PSD3: variants seen among roughly 807,000 people sequenced by gnomAD.
PSD3 encodes the protein pleckstrin and Sec7 domain containing 3, also known as PH and SEC7 domain-containing protein 3.
PSD3 carries 49 observed loss-of-function variants against 105.5 expected under a neutral mutation model. The ratio of observed to expected loss-of-function variants is 0.46; its 90% CI spans 0.37 to 0.59. The LOEUF (loss-of-function observed/expected upper bound fraction) is 0.59. Among genes scored for constraint, PSD3 ranks in the 20% least tolerant of loss-of-function variants. The pLI, the probability that PSD3 is intolerant of heterozygous loss-of-function variation, is 0.00. For missense variants in PSD3, 1,561 were observed against 1,263.8 expected, an observed-to-expected ratio of 1.24 and a Z score of -3.57; for synonymous variants, 557 against 457.8, an observed-to-expected ratio of 1.22 and a Z score of -2.77.
intron 8 of PSD3, among the ~76,000 whole-genome samples, chr8:18,778,170 G>C (rs2129445025): frequency 6.6e-6 from 1 of 152,180 alleles, no homozygotes; most frequent in South Asian, 2.1e-4. Context: ...TGGGGTTGCT[G>C]GATCGAATGA....
intron 1 of PSD3, among the ~76,000 whole-genome samples, chr8:18,976,021 G>C (rs1824927209): frequency 1.3e-5 from 2 of 152,038 alleles, no homozygotes; most frequent in African/African-American, 4.8e-5. Flanking sequence ...GAAATTTCCA[G>C]AGAAAATAAT....
intron 11 of PSD3, among the ~76,000 whole-genome samples, 171 bp downstream of exon 11, chr8:18,632,439 GAGC>G (rs1806969914): frequency 2.0e-5 from 3 of 152,036 alleles, no homozygotes; most frequent in African/African-American, 7.2e-5. Flanking sequence ...GCTTAGAGAA[GAGC>G]AGGTGCCACA....
At position 18,982,011 on chromosome 8, in the gene PSD3, G is replaced by T. The variant is rs75292593; in HGVS notation, c.21+31552C>A. ...CTGTAGCATACAATGTTGTTTGACA[G>T]CATCTTACCCACAGTAGAGCTTCTT... On this transcript the variant is annotated intron_variant, in intron 1 of 15. Transcript: ENST00000327040. Among the ~76,000 whole-genome samples, 5 of 152,292 alleles carry T rather than the reference G, an allele frequency of 3.3e-5. No homozygotes were observed. In the East Asian group the frequency reaches 9.7e-4, roughly 29 times the overall value.
chr8:18,921,248 T>G (rs1188264876), intron 2 of PSD3, among the ~76,000 whole-genome samples: 1 of 152,232 alleles, frequency 6.6e-6, no homozygotes, highest in Non-Finnish European at 1.5e-5. Context: ...TATATCAAAC[T>G]ACAGTTTAAA....
chr8:18,684,898 T>C (rs534840471), intron 9 of PSD3, among the ~76,000 whole-genome samples: 10 of 152,312 alleles, frequency 6.6e-5, no homozygotes, highest in Non-Finnish European at 1.5e-5. Context: ...AATCACAAAC[T>C]GGAGATTACT....
At chr8:19,069,577 A>T (rs966484119) in intron 1 of PSD3, among the ~76,000 whole-genome samples, 22 of 152,222 alleles carry the variant, frequency 1.4e-4, no homozygotes, top group African/African-American at 5.3e-4. Context: ...AACGGTGTTG[A>T]AAGGGATAGG....
intron 1 of PSD3, among the ~76,000 whole-genome samples, chr8:19,033,077 C>T (rs962413142): frequency 6.6e-6 from 1 of 151,288 alleles, no homozygotes; most frequent in African/African-American, 2.4e-5. Flanking sequence ...CATAGCAAGA[C>T]CCTATCTCAA....
rs182799630 is a variant in PSD3, at chr8:18,776,876, C to T, written c.2083-11338G>A. 1.9e-3 allele frequency among the ~76,000 whole-genome samples: 282 copies of T among 152,220 alleles called. 1 individual carries two copies. The highest frequency in any genetic ancestry group is 4.2e-3 in the Admixed American group (64 of 15,292). On this transcript the variant is annotated intron_variant, in intron 8 of 15. Transcript: ENST00000327040. Reference sequence around the variant, plus strand: ...GTAGTTTGTATGTTTCTAAAAATACCTCCACTTCTCGTTTTTCCAAGTAGT... The same window carrying T: ...GTAGTTTGTATGTTTCTAAAAATACTTCCACTTCTCGTTTTTCCAAGTAGT...
intron 14 of PSD3, among the ~76,000 whole-genome samples, chr8:18,562,266 C>T (rs904386696): frequency 6.6e-6 from 1 of 152,198 alleles, no homozygotes; most frequent in African/African-American, 2.4e-5. Context: ...GGAAGAGAAC[C>T]TGGCCACTGT....
chr8:18,679,704 C>T (rs998224768), intron 9 of PSD3, among the ~76,000 whole-genome samples: 3 of 152,108 alleles, frequency 2.0e-5, no homozygotes, highest in Non-Finnish European at 4.4e-5. Context: ...GAAAGCAAAA[C>T]CAGGGTAGCC....
chr8:18,819,222 G>T (rs973592563), intron 4 of PSD3, among the ~76,000 whole-genome samples: 1 of 152,208 alleles, frequency 6.6e-6, no homozygotes, highest in African/African-American at 2.4e-5. Context: ...GCTTTCCAGA[G>T]GGTAGGTTTA....
intron 9 of PSD3, among the ~76,000 whole-genome samples, chr8:18,711,547 G>A (rs549973203): frequency 7.6e-4 from 115 of 152,200 alleles, no homozygotes; most frequent in African/African-American, 2.6e-3. Context: ...CTCACATAAC[G>A]GTAAAGGATG....
At chr8:18,687,443 G>C (rs1367059202) in intron 9 of PSD3, among the ~76,000 whole-genome samples, 1 of 151,930 alleles carries the variant, frequency 6.6e-6, no homozygotes, top group African/African-American at 2.4e-5. Context: ...TCCAGCTTGG[G>C]AGACACAGTG....
intron 1 of PSD3, among the ~76,000 whole-genome samples, chr8:19,062,335 A>G (rs1047035271): frequency 2.6e-5 from 4 of 152,184 alleles, no homozygotes; most frequent in African/African-American, 4.8e-5. Flanking sequence ...GGATAGAAAG[A>G]TGAATAAAAT....
intron 12 of PSD3, among the ~76,000 whole-genome samples, chr8:18,581,592 A>G (rs563399626): frequency 1.3e-5 from 2 of 152,300 alleles, no homozygotes; most frequent in Admixed American, 6.5e-5. Context: ...TATAGCAAGT[A>G]GAAAGAAGTG....
intron 9 of PSD3, among the ~76,000 whole-genome samples, chr8:18,718,956 T>A (rs949674467): frequency 3.3e-5 from 5 of 152,214 alleles, no homozygotes; most frequent in Non-Finnish European, 7.3e-5. Context: ...ACTTGACTGC[T>A]ACAATTATCT....
chr8:18,684,166 A>G (rs1800530324), intron 9 of PSD3: 1 of 412,860 alleles, frequency 2.4e-6, no homozygotes, highest in South Asian at 3.7e-5. Flanking sequence ...GCAAAGAGGA[A>G]AAAAATGCAA....
chr8:18,752,523 TA>T (rs1467891433), intron 9 of PSD3, among the ~76,000 whole-genome samples: 32 of 79,112 alleles, frequency 4.0e-4, no homozygotes, highest in East Asian at 2.4e-3. Flanking sequence ...ATATGTAATA[TA>T]TATAATTATA....
chr8:18,570,574 C>T lies in PSD3; in HGVS notation c.2784+1954G>A, dbSNP rs190136706. On this transcript the variant is annotated intron_variant, in intron 14 of 15. Transcript: ENST00000327040. ...AAAATTTTCGCAACCTACTACTCAT[C>T]TGACAAAGGGCTAATATCCAGAATC... Among the ~76,000 whole-genome samples the T allele has an allele frequency of 1.4e-3, 212 of 149,458 alleles. 1 individual carries two copies. Among genetic ancestry groups the T allele is most frequent in the South Asian group, 1.7e-3 (8 of 4,642 alleles).
Sources: allele counts gnomAD v4.1 joint callset (sites outside exome capture counted in the v4.1 genomes callset), GRCh38; gene constraint gnomAD v4.1.1; transcripts MANE v1.5; gene names NCBI Gene and HGNC (gene_info 2026-07-23, HGNC 2026-07-21).